Variants in GTF2IRD1 observed in about 807,000 individuals in gnomAD.
GTF2IRD1 encodes GTF2I repeat domain containing 1, also known as general transcription factor II-I repeat domain-containing protein 1.
A neutral mutation model predicts 113.2 loss-of-function variants in GTF2IRD1; 26 were observed. The ratio of observed to expected loss-of-function variants is 0.23; its 90% CI spans 0.17 to 0.32. The LOEUF (loss-of-function observed/expected upper bound fraction) is 0.32. GTF2IRD1 is among the 10% of genes least tolerant of loss of function. The pLI is 1.00. For synonymous variants in GTF2IRD1, 484 were observed against 529.1 expected, an observed-to-expected ratio of 0.91 and a Z score of 1.17; for missense variants, 864 against 1,280.8, an observed-to-expected ratio of 0.67 and a Z score of 4.97.
chr7:74,511,007 C>T (rs1796600485), intron 2 of GTF2IRD1, among the ~76,000 whole-genome samples: 1 of 151,764 alleles, frequency 6.6e-6, no homozygotes, highest in African/African-American at 2.4e-5. Context: ...CGAGGTCGTG[C>T]CACTGCACTC....
chr7:74,557,477 T>A (rs1186624804), intron 19 of GTF2IRD1, among the ~76,000 whole-genome samples, 162 bp from the exon 20 acceptor site: 9 of 152,206 alleles, frequency 5.9e-5, no homozygotes, highest in Admixed American at 5.2e-4. Context: ...AAAAGACATC[T>A]CCATCAACAT....
chr7:74,518,995 T>G (rs1373050926), intron 5 of GTF2IRD1, among the ~76,000 whole-genome samples: 1 of 152,014 alleles, frequency 6.6e-6, no homozygotes, highest in African/African-American at 2.4e-5. Flanking sequence ...GAGATTAGGT[T>G]GTTGAGGCTG....
chr7:74,455,622 C>T (rs1476002755), intron 1 of GTF2IRD1, among the ~76,000 whole-genome samples: 2 of 152,156 alleles, frequency 1.3e-5, no homozygotes, highest in African/African-American at 4.8e-5. Context: ...CGTCATGAAC[C>T]GCCCTATTTG....
chr7:74,503,499 A>G (rs1227755080), intron 1 of GTF2IRD1, among the ~76,000 whole-genome samples: 1 of 152,198 alleles, frequency 6.6e-6, no homozygotes, highest in African/African-American at 2.4e-5. Flanking sequence ...CTGTAATCCC[A>G]GCACTTTGGG....
chr7:74,544,896 G>A lies in GTF2IRD1; in HGVS notation c.1666+94G>A, dbSNP rs587639318. 278 of 959,090 alleles carry A rather than the reference G, an allele frequency of 2.9e-4. 4 individuals are homozygous for A. In the South Asian group the frequency reaches 3.8e-3, roughly 13 times the overall value. The allele number at this position is 959,090 out of a possible 1,614,324, so 59.4% of individuals were successfully genotyped here. Reference sequence around the variant, plus strand: ...CTCCCCTTGGCCTCTGGGTCTCTTCGTTCTCTCCACCTCATCTCTCTCCAG... The same window carrying A: ...CTCCCCTTGGCCTCTGGGTCTCTTCATTCTCTCCACCTCATCTCTCTCCAG... On this transcript the variant is annotated intron_variant, in intron 15 of 26. Coordinates refer to ENST00000424337, the MANE Select transcript of GTF2IRD1 (RefSeq NM_005685.4).
chr7:74,587,573 C>G (rs1264455534), intron 22 of GTF2IRD1, among the ~76,000 whole-genome samples: 1 of 152,164 alleles, frequency 6.6e-6, no homozygotes, highest in Non-Finnish European at 1.5e-5. Context: ...TCACCCTTAC[C>G]GAACCCGCCT....
chr7:74,538,581 C>T, intron 12 of GTF2IRD1, 99 bp from the exon 13 acceptor site: 1 of 824,996 alleles, frequency 1.2e-6, no homozygotes, highest in Non-Finnish European at 2.2e-6. Context: ...GGTAGGGCCT[C>T]ACTAACAAGT....
chr7:74,575,298 A>G (rs1446404570), intron 22 of GTF2IRD1, among the ~76,000 whole-genome samples: 1 of 152,098 alleles, frequency 6.6e-6, no homozygotes, highest in African/African-American at 2.4e-5. Flanking sequence ...GGCAGAGAGA[A>G]CAGCAGCTGC....
intron 22 of GTF2IRD1, among the ~76,000 whole-genome samples, chr7:74,588,256 C>T (rs1554368469): frequency 1.3e-5 from 2 of 151,682 alleles, no homozygotes; most frequent in Non-Finnish European, 2.9e-5. Flanking sequence ...TACAGGTGCC[C>T]GCCACCACAC....
At chr7:74,540,766 T>C (rs1483497606) in intron 14 of GTF2IRD1, among the ~76,000 whole-genome samples, 1 of 151,146 alleles carries the variant, frequency 6.6e-6, no homozygotes, top group Non-Finnish European at 1.5e-5. Flanking sequence ...CTGGGCAACA[T>C]AGAGAGACCC....
At chr7:74,522,205 G>A (rs187200345) in intron 7 of GTF2IRD1, among the ~76,000 whole-genome samples, 2 of 151,658 alleles carry the variant, frequency 1.3e-5, no homozygotes, top group East Asian at 1.9e-4. Context: ...CTCTGTGGGA[G>A]AGGAATTAAA....
At chr7:74,496,894 G>A (rs1371864647) in intron 1 of GTF2IRD1, among the ~76,000 whole-genome samples, 3 of 152,142 alleles carry the variant, frequency 2.0e-5, no homozygotes, top group East Asian at 1.9e-4. Context: ...AGGCATGGTG[G>A]CTTATGCCTA....
intron 1 of GTF2IRD1, chr7:74,507,318 A>G (rs1466634641): frequency 6.6e-6 from 1 of 152,042 alleles, no homozygotes; most frequent in Admixed American, 6.6e-5. Context: ...TACTAAAAAT[A>G]CAAAAATTAG....
chr7:74,526,060 A>C (rs1554347177), intron 8 of GTF2IRD1, among the ~76,000 whole-genome samples: 2 of 152,110 alleles, frequency 1.3e-5, no homozygotes, highest in African/African-American at 4.8e-5. Flanking sequence ...GGCTGTCTGC[A>C]CCTGCCCCTG....
chr7:74,550,692 G>C (rs1583862688), intron 17 of GTF2IRD1, among the ~76,000 whole-genome samples: 1 of 151,862 alleles, frequency 6.6e-6, no homozygotes, highest in African/African-American at 2.4e-5. Flanking sequence ...AGGATCGCTT[G>C]AGCCCAGGAA....
At position 74,512,955 on chromosome 7, in the gene GTF2IRD1, C is replaced by G. The variant is rs1372104730; in HGVS notation, c.249C>G (p.Asp83Glu). Residue 83 changes from aspartate to glutamate, a missense_variant, in exon 3 of 27, where the codon GAC becomes GAG. By Grantham distance (45) the Asp-to-Glu change is conservative (BLOSUM62 2). Transcript: ENST00000424337. The surrounding 1 kb of genome is among the most constrained non-coding windows in gnomAD (Gnocchi z 4.4). ...ATGCCCGGAAGGAGCTACAGTCAGA[C>G]TTCCTCAGGTTCTGCCGTGAGTACC... ...FLNARKELQS[D>E]FLRFCRGPPW... The G allele has an allele frequency of 6.2e-7, 1 of 1,613,904 alleles. No homozygotes were observed. Among genetic ancestry groups the G allele is most frequent in the African/African-American group, 1.3e-5 (1 of 74,946 alleles).
intron 9 of GTF2IRD1, among the ~76,000 whole-genome samples, chr7:74,532,426 C>T (rs1424602251): frequency 6.6e-6 from 1 of 152,122 alleles, no homozygotes; most frequent in African/African-American, 2.4e-5. Flanking sequence ...TGGTGGTATG[C>T]ACCTGTAGTC....
chr7:74,481,356 G>C (rs1020442503), intron 1 of GTF2IRD1, among the ~76,000 whole-genome samples: 1 of 151,730 alleles, frequency 6.6e-6, no homozygotes, highest in Non-Finnish European at 1.5e-5. Flanking sequence ...GGGGTCTTGC[G>C]ATGTTGCCCA....
In GTF2IRD1 at chr7:74,539,757, AAAAG is replaced by A. The variant is rs1274164895; in HGVS notation, c.1529-120_1529-117del. 6.2e-6 allele frequency: 4 copies of A among 644,240 alleles called. No individual in the cohort carries two copies. The East Asian group carries it at 1.1e-4, about 18-fold the overall frequency. The allele number at this position is 644,240 out of a possible 1,614,324, so 39.9% of individuals were successfully genotyped here. ...AGACTCCATCTCAAACCAAAAAAAA[AAAAG>A]AGACAGAAAGAAAAGGACCCTTGTC... On this transcript the variant is annotated intron_variant, in intron 13 of 26. Coordinates refer to ENST00000424337, the MANE Select transcript of GTF2IRD1 (RefSeq NM_005685.4).
Sources: allele counts gnomAD v4.1 joint callset (sites outside exome capture counted in the v4.1 genomes callset), GRCh38; gene constraint gnomAD v4.1.1; non-coding constraint Gnocchi (gnomAD v3.1); transcripts MANE v1.5; gene names NCBI Gene and HGNC (gene_info 2026-07-23, HGNC 2026-07-21).